Variants in TLK2 observed in about 807,000 individuals in gnomAD.
The protein encoded by TLK2 is serine/threonine-protein kinase tousled-like 2.
Under a neutral mutation model 117.3 loss-of-function variants are expected in TLK2, and 6 were observed. The observed-to-expected ratio is 0.05, with a 90% CI of 0.03 to 0.10. The LOEUF is 0.10. Ranked by LOEUF, TLK2 falls within the 10% of genes least tolerant of loss-of-function variation. The pLI is 1.00. For synonymous variants in TLK2, 257 were observed against 316.7 expected, an observed-to-expected ratio of 0.81 and a Z score of 2.00; for missense variants, 299 against 901.2, an observed-to-expected ratio of 0.33 and a Z score of 8.56.
intron 7 of TLK2, among the ~76,000 whole-genome samples, chr17:62,546,558 C>CTTT (rs1283721556): frequency 1.5e-5 from 2 of 131,186 alleles, no homozygotes; most frequent in Non-Finnish European, 3.3e-5. Flanking sequence ...CTTTTTCTTT[C>CTTT]TTTTTTTTTT....
intron 9 of TLK2, among the ~76,000 whole-genome samples, chr17:62,558,165 C>CT (rs954896896): frequency 6.8e-6 from 1 of 146,760 alleles, no homozygotes; most frequent in Non-Finnish European, 1.5e-5. Context: ...TTTTTTTTTT[C>CT]TTTTTTTTAA....
intron 15 of TLK2, among the ~76,000 whole-genome samples, chr17:62,584,410 C>A (rs150279518): frequency 1.3e-5 from 2 of 151,934 alleles, no homozygotes; most frequent in African/African-American, 4.8e-5. Flanking sequence ...CCATCGCGCC[C>A]GGCTTATTTA....
At chr17:62,540,400 A>ATTTTTTTT (rs534202077) in intron 7 of TLK2, among the ~76,000 whole-genome samples, 792 of 19,908 alleles carry the variant, frequency 0.04, 223 homozygotes, top group Non-Finnish European at 0.1. Flanking sequence ...TATGTTCAGA[A>ATTTTTTTT]TTTTTTTTTT....
In TLK2 at chr17:62,502,029, A is replaced by ATTTT. The variant is rs371212708; in HGVS notation, c.82-18730_82-18727dup. The stretch of plus-strand genomic sequence containing the variant: ...TCAAACATTTAAGGAAAAAATACCA[A>ATTTT]TTTTTTTTTTTTTTTTTACAAATTT... On this transcript the variant is annotated intron_variant, in intron 2 of 21. Transcript: ENST00000346027. Among the ~76,000 whole-genome samples the ATTTT allele has an allele frequency of 1.4e-3, 194 of 137,466 alleles. 2 individuals are homozygous for ATTTT. The highest frequency in any genetic ancestry group is 5.0e-3 in the African/African-American group (183 of 36,658). 90.2% of individuals were successfully genotyped at this position (137,466 alleles called of 152,430 possible).
At chr17:62,509,173 C>T (rs912449769) in intron 2 of TLK2, among the ~76,000 whole-genome samples, 8 of 152,146 alleles carry the variant, frequency 5.3e-5, no homozygotes, top group African/African-American at 9.7e-5. Context: ...ACTGCAGCCT[C>T]GACCTCCTGG....
intron 2 of TLK2, among the ~76,000 whole-genome samples, chr17:62,506,287 T>C (rs2074685008): frequency 2.0e-5 from 3 of 152,320 alleles, no homozygotes; most frequent in South Asian, 4.1e-4. Flanking sequence ...CGTGTGTGTA[T>C]GTAGGAGGTA....
intron 2 of TLK2, among the ~76,000 whole-genome samples, chr17:62,512,855 T>C (rs1219037629): frequency 8.3e-6 from 1 of 120,850 alleles, no homozygotes; most frequent in Non-Finnish European, 1.7e-5. Flanking sequence ...CTTTTAAAAA[T>C]TTATTAATTA....
intron 2 of TLK2, among the ~76,000 whole-genome samples, chr17:62,483,477 TA>T (rs1237520922): frequency 6.6e-6 from 1 of 152,228 alleles, no homozygotes; most frequent in Non-Finnish European, 1.5e-5. Context: ...AAGTTCTCTG[TA>T]CAGAAAAAGA....
At chr17:62,495,007 A>C (rs1030372103) in intron 2 of TLK2, among the ~76,000 whole-genome samples, 1 of 152,034 alleles carries the variant, frequency 6.6e-6, no homozygotes, top group African/African-American at 2.4e-5. Context: ...CTTTACTAAA[A>C]AATACAAAAA....
chr17:62,507,531 G>T (rs187894002), intron 2 of TLK2: 10 of 152,208 alleles, frequency 6.6e-5, no homozygotes, highest in African/African-American at 2.4e-4. Context: ...CTGGAGTATG[G>T]GGTAGTTTGA....
chr17:62,483,527 G>C (rs1341585319), intron 2 of TLK2, among the ~76,000 whole-genome samples: 2 of 152,216 alleles, frequency 1.3e-5, no homozygotes, highest in African/African-American at 4.8e-5. Flanking sequence ...GTTTTTGAGA[G>C]GGTCTCACTC....
chr17:62,586,643 A>T (rs1314112324), intron 16 of TLK2, among the ~76,000 whole-genome samples: 1 of 152,022 alleles, frequency 6.6e-6, no homozygotes, highest in Non-Finnish European at 1.5e-5. Context: ...AACACGGTGA[A>T]ACCCCGTCTC....
chr17:62,477,656 T>C (rs1226285785), upstream of TLK2: 1 of 152,244 alleles, frequency 6.6e-6, no homozygotes, highest in East Asian at 1.9e-4. Flanking sequence ...TAAAGTCATC[T>C]TCAGACATCT....
chr17:62,610,667 G>C (rs1469755416), intron 21 of TLK2, among the ~76,000 whole-genome samples: 1 of 152,172 alleles, frequency 6.6e-6, no homozygotes, highest in Non-Finnish European at 1.5e-5. Flanking sequence ...TTAGCAGAGA[G>C]AAGCTCAGAT....
intron 1 of TLK2, among the ~76,000 whole-genome samples, 151 bp from the exon 2 acceptor site, chr17:62,480,970 A>C (rs1162796170): frequency 6.6e-6 from 1 of 152,258 alleles, no homozygotes; most frequent in Non-Finnish European, 1.5e-5. Context: ...GATGCAGCAC[A>C]TAGTAGTCTA....
chr17:62,608,853 T>C (rs894132801), intron 21 of TLK2, among the ~76,000 whole-genome samples: 1 of 80,896 alleles, frequency 1.2e-5, no homozygotes, highest in Non-Finnish European at 2.6e-5. Flanking sequence ...CATAAAAAAC[T>C]CGTGAGGCAA....
chr17:62,557,305 T>C (rs1225469921), intron 9 of TLK2, among the ~76,000 whole-genome samples: 1 of 152,134 alleles, frequency 6.6e-6, no homozygotes, highest in Non-Finnish European at 1.5e-5. Flanking sequence ...TTCTCTAGGG[T>C]TTTTGGTTCC....
chr17:62,481,604 A>C (rs1404141137), intron 2 of TLK2, among the ~76,000 whole-genome samples: 1 of 152,126 alleles, frequency 6.6e-6, no homozygotes, highest in Non-Finnish European at 1.5e-5. Context: ...AGTATTGAAA[A>C]ATTGGCCTCT....
chr17:62,529,917 G>A (rs1411991453), intron 6 of TLK2, among the ~76,000 whole-genome samples: 1 of 151,702 alleles, frequency 6.6e-6, no homozygotes, highest in Admixed American at 6.6e-5. Context: ...ACATACCGCC[G>A]GGCGTGGTGG....
Sources: allele counts gnomAD v4.1 joint callset (sites outside exome capture counted in the v4.1 genomes callset), GRCh38; gene constraint gnomAD v4.1.1; transcripts MANE v1.5; gene names NCBI Gene and HGNC (gene_info 2026-07-23, HGNC 2026-07-21).